DERL1: variants seen among roughly 807,000 people sequenced by gnomAD.
DERL1 encodes the protein derlin 1.
A neutral mutation model predicts 41.6 loss-of-function variants in DERL1; 24 were observed. That is an observed-to-expected ratio of 0.58 (90% CI 0.42 to 0.81). DERL1 has a LOEUF of 0.81. Among genes scored for constraint, DERL1 ranks in the 30% least tolerant of loss-of-function variants. The pLI is 0.00. For synonymous variants in DERL1, 124 were observed against 112.5 expected, an observed-to-expected ratio of 1.10 and a Z score of -0.65; for missense variants, 260 against 314.3, an observed-to-expected ratio of 0.83 and a Z score of 1.31.
intron 6 of DERL1, 58 bp from the exon 7 acceptor site, chr8:123,019,363 T>C: frequency 8.2e-7 from 1 of 1,223,738 alleles, no homozygotes. Context: ...GCACCAAGTT[T>C]TAACTAATAG....
At position 123,015,437 on chromosome 8, in the gene DERL1, G is replaced by A; in HGVS notation, c.*10C>T. 1 of 1,610,910 alleles carries A rather than the reference G, an allele frequency of 6.2e-7. No homozygotes were observed. The highest frequency in any genetic ancestry group is 2.2e-5 in the East Asian group (1 of 44,830). On this transcript the variant is annotated 3_prime_UTR_variant, in exon 8 of 8. Transcript: ENST00000259512. ...TGGCTTGAGAGGAGCGGCTGCCCGA[G>A]GCCGCCCCTTCACTGGTCTCCAAGT...
chr8:123,039,699 T>A (rs116158976), intron 1 of DERL1, among the ~76,000 whole-genome samples: 1,687 of 152,316 alleles, frequency 0.011, 28 homozygotes, highest in African/African-American at 0.038. Flanking sequence ...CCTCTATGTC[T>A]TCACAGGCTC....
intron 4 of DERL1, 127 bp from the exon 5 acceptor site, chr8:123,022,906 C>T: frequency 3.2e-6 from 2 of 625,686 alleles, no homozygotes; most frequent in South Asian, 4.2e-5. Context: ...CTCAACTGAT[C>T]AGAATTATAA....
chr8:123,031,868 G>A (rs1217249688), intron 1 of DERL1, among the ~76,000 whole-genome samples: 2 of 152,104 alleles, frequency 1.3e-5, no homozygotes, highest in Non-Finnish European at 1.5e-5. Flanking sequence ...TACAGAATAA[G>A]TTCCTGTCAA....
chr8:123,023,538 C>T (rs1376682956), intron 4 of DERL1, among the ~76,000 whole-genome samples, 175 bp downstream of exon 4: 1 of 151,954 alleles, frequency 6.6e-6, no homozygotes, highest in Non-Finnish European at 1.5e-5. Context: ...CTGAGCAACA[C>T]AGCAAGACTC....
intron 1 of DERL1, 162 bp from the exon 2 acceptor site, chr8:123,030,878 C>A: frequency 1.7e-6 from 1 of 597,930 alleles, no homozygotes. Flanking sequence ...GTGTTCACAC[C>A]AAATACAATC....
rs780284795 is a variant in DERL1, at chr8:123,015,642, T to C, written c.618-57A>G. On this transcript the variant is annotated intron_variant, in intron 7 of 7. Transcript: ENST00000259512. ...AGAAGAGAACAAAGTCACTTCCACA[T>C]AGTTATCTGACCTCCGAGAACACCT... 30 of 1,546,124 alleles carry C rather than the reference T, an allele frequency of 1.9e-5. No homozygotes were observed. In the Admixed American group the frequency reaches 3.2e-4, roughly 16 times the overall value.
intron 1 of DERL1, among the ~76,000 whole-genome samples, chr8:123,033,783 T>C (rs1812867700): frequency 6.6e-6 from 1 of 152,208 alleles, no homozygotes; most frequent in African/African-American, 2.4e-5. Flanking sequence ...TTTCCAAGCA[T>C]ACAACCCTAG....
At chr8:123,036,174 A>C (rs1203091176) in intron 1 of DERL1, among the ~76,000 whole-genome samples, 4 of 152,338 alleles carry the variant, frequency 2.6e-5, no homozygotes, top group African/African-American at 9.6e-5. Flanking sequence ...ACATATGTTC[A>C]CCAAGACATG....
chr8:123,021,326 T>G, intron 6 of DERL1, 121 bp downstream of exon 6: 1 of 858,992 alleles, frequency 1.2e-6, no homozygotes, highest in Non-Finnish European at 1.9e-6. Flanking sequence ...TCCATAAATA[T>G]AGGGTTCTAA....
chr8:123,032,425 G>A (rs1227900138), intron 1 of DERL1, among the ~76,000 whole-genome samples: 3 of 152,148 alleles, frequency 2.0e-5, no homozygotes, highest in Non-Finnish European at 4.4e-5. Flanking sequence ...ATGAGCCATC[G>A]CACCTGGCTG....
chr8:123,041,260 T>C (rs924786706), intron 1 of DERL1, among the ~76,000 whole-genome samples: 2 of 152,246 alleles, frequency 1.3e-5, no homozygotes, highest in Non-Finnish European at 2.9e-5. Context: ...CTGCCACTGA[T>C]TGAAGTTTTA....
chr8:123,031,136 G>A (rs1563633677), intron 1 of DERL1, among the ~76,000 whole-genome samples: 2 of 152,134 alleles, frequency 1.3e-5, no homozygotes, highest in Non-Finnish European at 2.9e-5. Flanking sequence ...CACATTCAAA[G>A]GCAGAAGTAA....
rs547160481 is a variant in DERL1, at chr8:123,027,518, C to T, written c.266-2468G>A. On this transcript the variant is annotated intron_variant, in intron 2 of 7. Coordinates refer to ENST00000259512, the MANE Select transcript of DERL1 (RefSeq NM_024295.6). Reference sequence around the variant, plus strand: ...GGTACGTTGTACCGTACATGAATTACATCTCAATAAAGCTGTTAAAAAATG... The same window carrying T: ...GGTACGTTGTACCGTACATGAATTATATCTCAATAAAGCTGTTAAAAAATG... Among the ~76,000 whole-genome samples the T allele has an allele frequency of 3.9e-5, 6 of 152,018 alleles. No individual in the cohort carries two copies. The South Asian group carries it at 8.3e-4, about 21-fold the overall frequency.
intron 2 of DERL1, among the ~76,000 whole-genome samples, chr8:123,025,992 AG>A (rs1812679625): frequency 6.6e-6 from 1 of 152,072 alleles, no homozygotes; most frequent in Non-Finnish European, 1.5e-5. Flanking sequence ...AAAAAAAAAA[AG>A]AAACAGAAAT....
chr8:123,038,686 C>A (rs921508676), intron 1 of DERL1, among the ~76,000 whole-genome samples: 1 of 152,210 alleles, frequency 6.6e-6, no homozygotes, highest in African/African-American at 2.4e-5. Context: ...ACAGGGACAA[C>A]AAGCCGGTTT....
chr8:123,030,924 C>T (rs1194996480), intron 1 of DERL1, among the ~76,000 whole-genome samples: 1 of 152,188 alleles, frequency 6.6e-6, no homozygotes, highest in Non-Finnish European at 1.5e-5. Context: ...AAAACGACAT[C>T]ATAAAATAAG....
chr8:123,015,957 C>T (rs896619978), intron 7 of DERL1: 6 of 162,592 alleles, frequency 3.7e-5, no homozygotes, highest in African/African-American at 7.2e-5. Context: ...ATGGCTCAAA[C>T]TGGATCAAAG....
intron 2 of DERL1, among the ~76,000 whole-genome samples, chr8:123,029,074 A>C (rs1167676447): frequency 6.6e-6 from 1 of 152,156 alleles, no homozygotes; most frequent in Non-Finnish European, 1.5e-5. Flanking sequence ...TCTCAAAAAA[A>C]AAAAAAATTA....
Sources: allele counts gnomAD v4.1 joint callset (sites outside exome capture counted in the v4.1 genomes callset), GRCh38; gene constraint gnomAD v4.1.1; transcripts MANE v1.5; gene names NCBI Gene and HGNC (gene_info 2026-07-23, HGNC 2026-07-21).